The following NCEH1 variants were observed in gnomAD, a reference collection of about 807,000 sequenced individuals.
NCEH1 encodes the protein 2-acetyl MAGE hydrolase.
Under a neutral mutation model 25.4 loss-of-function variants are expected in NCEH1, and 9 were observed. That is an observed-to-expected ratio of 0.35 (90% CI 0.21 to 0.62). NCEH1 has a LOEUF of 0.62. Ranked by LOEUF, NCEH1 falls within the 20% of genes least tolerant of loss-of-function variation. The probability of loss-of-function intolerance (pLI) is 0.72; values close to 1 mark genes in which losing one functional copy is unlikely to be tolerated. For missense variants in NCEH1, 412 were observed against 501.1 expected (o/e 0.82, Z 1.70); for synonymous variants, 200 against 199.8 (o/e 1.00, Z -0.01).
intron 1 of NCEH1, among the ~76,000 whole-genome samples, chr3:172,687,663 T>A (rs1483143288): frequency 6.6e-6 from 1 of 152,174 alleles, no homozygotes; most frequent in Non-Finnish European, 1.5e-5. Context: ...CAGCTGCTGC[T>A]CAGCCACAGG....
intron 3 of NCEH1, among the ~76,000 whole-genome samples, chr3:172,644,272 C>T (rs2108494155): frequency 6.6e-6 from 1 of 152,272 alleles, no homozygotes; most frequent in Admixed American, 6.5e-5. Flanking sequence ...GACTCTAGGG[C>T]TTCTGTCAAC....
At chr3:172,705,015 A>C (rs911105213) in intron 1 of NCEH1, among the ~76,000 whole-genome samples, 38 of 152,264 alleles carry the variant, frequency 2.5e-4, no homozygotes, top group Non-Finnish European at 4.7e-4. Flanking sequence ...TATGATAGCT[A>C]TATCAGGGGA....
rs562551404 is a variant in NCEH1 at position 172,709,905 on chromosome 3, A to G, written c.138+942T>C. Among the ~76,000 whole-genome samples the G allele has an allele frequency of 2.0e-5, 3 of 152,320 alleles. No homozygotes were observed. In the East Asian group the frequency reaches 5.8e-4, roughly 29 times the overall value. On this transcript the variant is annotated intron_variant, in intron 1 of 4. Transcript: ENST00000475381. ...TTTTGGAGAAGGTTAGAGTTTAGAT[A>G]GAGCAGGCTGCTCAGAAATACTGTC...
rs564994884 is a variant in NCEH1, at chr3:172,677,884, T to C, written c.139-29770A>G. The stretch of plus-strand genomic sequence containing the variant: ...CGGAGCCTGCAGTGAGCTGAGATCG[T>C]GCCACTGCACTCCAGCCTGGGCGAC... On this transcript the variant is annotated intron_variant, in intron 1 of 4. Transcript: ENST00000475381. 5.1e-3 allele frequency among the ~76,000 whole-genome samples: 771 copies of C among 152,334 alleles called. 7 individuals are homozygous for C. Among genetic ancestry groups the C allele is most frequent in the African/African-American group, 0.017 (718 of 41,574 alleles).
At chr3:172,656,691 G>C (rs530091577) in intron 1 of NCEH1, among the ~76,000 whole-genome samples, 2 of 152,204 alleles carry the variant, frequency 1.3e-5, no homozygotes, top group South Asian at 4.2e-4. Flanking sequence ...GCTTGACACC[G>C]GGAGGCAGAG....
At chr3:172,648,536 ATTTAC>A (rs926151739) in intron 1 of NCEH1, among the ~76,000 whole-genome samples, 23 of 152,108 alleles carry the variant, frequency 1.5e-4, no homozygotes, top group African/African-American at 4.6e-4. Context: ...AAAATGTTCT[ATTTAC>A]TTTAATTTCT....
chr3:172,694,378 ATGTGTGTGTGTGTGTCTGTGTGTGTG>A (rs1237171494), intron 1 of NCEH1, among the ~76,000 whole-genome samples: 3 of 151,236 alleles, frequency 2.0e-5, no homozygotes, highest in South Asian at 2.1e-4. Flanking sequence ...AGTTATATAT[ATGTGTGTGTGTGTGTCTGTGTGTGTG>A]TGTGTGTGTG....
At chr3:172,696,774 T>G (rs1341939419) in intron 1 of NCEH1, among the ~76,000 whole-genome samples, 1 of 152,142 alleles carries the variant, frequency 6.6e-6, no homozygotes, top group Admixed American at 6.5e-5. Context: ...CTATAGTCAA[T>G]TAAATTTGGG....
intron 1 of NCEH1, among the ~76,000 whole-genome samples, chr3:172,686,920 C>T (rs891830393): frequency 5.3e-5 from 8 of 152,114 alleles, no homozygotes; most frequent in African/African-American, 1.7e-4. Context: ...CTAGGAAGGA[C>T]TAACATGTAG....
At chr3:172,656,775 A>G (rs914586647) in intron 1 of NCEH1, among the ~76,000 whole-genome samples, 1 of 152,106 alleles carries the variant, frequency 6.6e-6, no homozygotes, top group Non-Finnish European at 1.5e-5. Context: ...AAAAAAAAAG[A>G]CAGTGACTTT....
rs139460224 is a variant in NCEH1, at chr3:172,672,924, G to A, written c.139-24810C>T. On this transcript the variant is annotated intron_variant, in intron 1 of 4. Coordinates refer to ENST00000475381, the MANE Select transcript of NCEH1 (RefSeq NM_020792.6). ...ACTGTCCCCAGATATGGAGGTCACT[G>A]GGTTCAGAGCCAGTCTCACAGATGG... is the stretch of plus-strand genomic sequence containing the variant. 7.3e-3 allele frequency among the ~76,000 whole-genome samples: 1,109 copies of A among 152,328 alleles called. 17 individuals carry two copies. Among genetic ancestry groups the A allele is most frequent in the African/African-American group, 0.025 (1,038 of 41,574 alleles).
chr3:172,634,226 TATAAATA>T, intron 4 of NCEH1, 134 bp from the exon 5 acceptor site: 4 of 820,406 alleles, frequency 4.9e-6, no homozygotes, highest in East Asian at 5.2e-5. Context: ...CCAGGCACTG[TATAAATA>T]ATAAAGTTTA....
At chr3:172,644,561 C>T (rs1379664601) in intron 3 of NCEH1, among the ~76,000 whole-genome samples, 2 of 152,190 alleles carry the variant, frequency 1.3e-5, no homozygotes, top group Non-Finnish European at 2.9e-5. Flanking sequence ...TGACTTATTC[C>T]CCTACCCCAT....
chr3:172,708,425 G>T (rs967990982), intron 1 of NCEH1, among the ~76,000 whole-genome samples: 1 of 152,136 alleles, frequency 6.6e-6, no homozygotes, highest in Non-Finnish European at 1.5e-5. Context: ...GCACAATCTC[G>T]ACTCAACGCA....
chr3:172,684,072 CTATT>C (rs1267229355), intron 1 of NCEH1, among the ~76,000 whole-genome samples: 2 of 152,314 alleles, frequency 1.3e-5, no homozygotes, highest in African/African-American at 4.8e-5. Flanking sequence ...GAGGGAGTGA[CTATT>C]TACATGGTCA....
At chr3:172,682,190 C>A (rs1215172793) in intron 1 of NCEH1, among the ~76,000 whole-genome samples, 1 of 152,106 alleles carries the variant, frequency 6.6e-6, no homozygotes, top group Non-Finnish European at 1.5e-5. Flanking sequence ...AAGAAGGTTC[C>A]GAGTTTAGGG....
At chr3:172,665,617 G>GT (rs1164693275) in intron 1 of NCEH1, among the ~76,000 whole-genome samples, 1 of 152,176 alleles carries the variant, frequency 6.6e-6, no homozygotes, top group African/African-American at 2.4e-5. Context: ...GGCAGGCCTC[G>GT]TTGAGCTGTG....
At chr3:172,701,449 CTTTTT>C (rs10701435) in intron 1 of NCEH1, among the ~76,000 whole-genome samples, 13 of 110,940 alleles carry the variant, frequency 1.2e-4, no homozygotes, top group African/African-American at 4.5e-4. Context: ...GGTCTTTTGC[CTTTTT>C]TTTTTTTTTT....
At chr3:172,647,613 T>C (rs1361692762) in intron 2 of NCEH1, among the ~76,000 whole-genome samples, 1 of 152,198 alleles carries the variant, frequency 6.6e-6, no homozygotes, top group Non-Finnish European at 1.5e-5. Context: ...GAAATATTTT[T>C]ACAACAGTCT....
Sources: gnomAD v4.1 joint callset for allele counts (sites outside exome capture counted in the v4.1 genomes callset) on GRCh38, gnomAD v4.1.1 for gene constraint, MANE v1.5 for transcripts, NCBI Gene and HGNC (gene_info 2026-07-23, HGNC 2026-07-21) for gene names.